The following RBFOX1 variants were observed in gnomAD, a reference collection of about 807,000 sequenced individuals.
RBFOX1 encodes RNA binding fox-1 homolog 1, also known as RNA binding protein fox-1 homolog 1.
RBFOX1 carries 8 observed loss-of-function variants against 57.7 expected under a neutral mutation model. The ratio of observed to expected loss-of-function variants is 0.14; its 90% CI spans 0.08 to 0.25. The LOEUF (loss-of-function observed/expected upper bound fraction) is 0.25. Among genes scored for constraint, RBFOX1 ranks in the 10% least tolerant of loss-of-function variants. The pLI, the probability that RBFOX1 is intolerant of heterozygous loss-of-function variation, is 1.00. For missense variants in RBFOX1, 611 were observed against 548.5 expected (o/e 1.11, Z -1.14); for synonymous variants, 326 against 222.4 (o/e 1.47, Z -4.15).
At chr16:5,727,435 C>T (rs952130058) in intron 3 of RBFOX1, among the ~76,000 whole-genome samples, 11 of 152,100 alleles carry the variant, frequency 7.2e-5, no homozygotes, top group East Asian at 1.9e-4. Context: ...TACTGTGAAA[C>T]GCTCACCACA....
rs34798258 is a variant in RBFOX1 at position 6,164,649 on chromosome 16, G to GTT, written c.-127+144665_-127+144666dup. ...ACCTGGTAAATTTTTGTTTTGTTTT[G>GTT]TTTTTTTTTAGTAGAAATGGAGTTT... On this transcript the variant is annotated intron_variant, in intron 1 of 15. Coordinates refer to ENST00000550418, the MANE Select transcript of RBFOX1 (RefSeq NM_018723.4). 7.3e-5 allele frequency among the ~76,000 whole-genome samples: 11 copies of GTT among 150,092 alleles called. No individual in the cohort carries two copies. In the South Asian group the frequency reaches 1.7e-3, roughly 23 times the overall value.
chr16:5,761,250 T>G (rs1427496353), intron 3 of RBFOX1, among the ~76,000 whole-genome samples: 1 of 151,908 alleles, frequency 6.6e-6, no homozygotes, highest in Non-Finnish European at 1.5e-5. Flanking sequence ...TTCTGAAGAG[T>G]AATATAGAAG....
intron 3 of RBFOX1, among the ~76,000 whole-genome samples, chr16:5,786,585 A>G (rs887640682): frequency 1.3e-5 from 2 of 151,814 alleles, no homozygotes; most frequent in African/African-American, 4.8e-5. Flanking sequence ...TGATCTCTTC[A>G]TTTTTCCAAG....
chr16:7,396,751 C>A (rs1023278418), intron 4 of RBFOX1, among the ~76,000 whole-genome samples: 1 of 152,096 alleles, frequency 6.6e-6, no homozygotes, highest in Non-Finnish European at 1.5e-5. Context: ...AACAGCCTTG[C>A]CAACACTATG....
intron 3 of RBFOX1, among the ~76,000 whole-genome samples, chr16:5,708,743 TG>T (rs2051344466): frequency 6.6e-6 from 1 of 152,206 alleles, no homozygotes; most frequent in South Asian, 2.1e-4. Context: ...AAATCCATCT[TG>T]GGGATATTCA....
At position 6,442,479 on chromosome 16, in the gene RBFOX1, C is replaced by T. The variant is rs985908769; in HGVS notation, c.-64+125422C>T. On this transcript the variant is annotated intron_variant, in intron 2 of 15. Coordinates refer to ENST00000550418, the MANE Select transcript of RBFOX1 (RefSeq NM_018723.4). ...GGCTGAGGCAGGAGAATCGCTTGAGCCTGGGAAGCGGAGGTTGCAGTGAGC... is the reference window on the plus strand; with the variant it reads ...GGCTGAGGCAGGAGAATCGCTTGAGTCTGGGAAGCGGAGGTTGCAGTGAGC... Among the ~76,000 whole-genome samples, 12 of 152,006 alleles carry T rather than the reference C, an allele frequency of 7.9e-5. No homozygotes were observed. In the South Asian group the frequency reaches 8.3e-4, roughly 11 times the overall value.
chr16:7,107,098 G>A lies in RBFOX1; in HGVS notation c.27+55000G>A, dbSNP rs149806193. 4.8e-4 allele frequency among the ~76,000 whole-genome samples: 73 copies of A among 152,150 alleles called. No individual in the cohort carries two copies. The East Asian group carries it at 0.013, about 28-fold the overall frequency. On this transcript the variant is annotated intron_variant, in intron 4 of 15. Transcript: ENST00000550418. ...AGGAACTGATATTTAAGCCTGTTTCGAAAGTTGGGAGGACCAACTATGCAA... is the reference window on the plus strand; with the variant it reads ...AGGAACTGATATTTAAGCCTGTTTCAAAAGTTGGGAGGACCAACTATGCAA...
At chr16:6,868,678 G>C (rs1207539708) in intron 3 of RBFOX1, among the ~76,000 whole-genome samples, 1 of 152,102 alleles carries the variant, frequency 6.6e-6, no homozygotes, top group African/African-American at 2.4e-5. Context: ...CACCATGTTG[G>C]CCAGGCTGGT....
chr16:6,348,183 G>A (rs1003322472), intron 2 of RBFOX1, among the ~76,000 whole-genome samples: 1 of 152,134 alleles, frequency 6.6e-6, no homozygotes, highest in Non-Finnish European at 1.5e-5. Context: ...ATAGGCTTGT[G>A]ATAAAATGTG....
At chr16:7,447,126 G>A (rs865878943) in intron 4 of RBFOX1, among the ~76,000 whole-genome samples, 5 of 151,936 alleles carry the variant, frequency 3.3e-5, no homozygotes, top group African/African-American at 7.2e-5. Flanking sequence ...GGTAGGTCTG[G>A]GTTTTATGAG....
chr16:5,641,456 GAAGCTGCTTAGGAT>G (rs763690210), intron 3 of RBFOX1, among the ~76,000 whole-genome samples: 1 of 152,234 alleles, frequency 6.6e-6, no homozygotes, highest in Non-Finnish European at 1.5e-5. Flanking sequence ...AGAGTGATGG[GAAGCTGCTTAGGAT>G]AAGGGTAAGT....
chr16:5,476,939 T>A (rs2069346122), intron 2 of RBFOX1, among the ~76,000 whole-genome samples: 1 of 152,236 alleles, frequency 6.6e-6, no homozygotes, highest in African/African-American at 2.4e-5. Flanking sequence ...TAGCACATAC[T>A]AAACTTTTTG....
chr16:6,838,665 T>G (rs1375654564), intron 3 of RBFOX1, among the ~76,000 whole-genome samples: 2 of 152,148 alleles, frequency 1.3e-5, no homozygotes, highest in Admixed American at 6.5e-5. Context: ...AATTCTTTAT[T>G]GGGCAAAGCC....
intron 1 of RBFOX1, among the ~76,000 whole-genome samples, chr16:5,379,358 C>A (rs990703224): frequency 2.0e-5 from 3 of 151,556 alleles, no homozygotes; most frequent in Non-Finnish European, 4.4e-5. Context: ...AACACACCCC[C>A]AGCCCAGGAA....
intron 5 of RBFOX1, among the ~76,000 whole-genome samples, chr16:7,561,741 G>T (rs968034998): frequency 6.6e-6 from 1 of 152,206 alleles, no homozygotes; most frequent in Non-Finnish European, 1.5e-5. Flanking sequence ...GGGATGTTCA[G>T]GGAGATCAGT....
At chr16:6,159,063 C>T (rs992926535) in intron 1 of RBFOX1, among the ~76,000 whole-genome samples, 1 of 152,022 alleles carries the variant, frequency 6.6e-6, no homozygotes, top group Non-Finnish European at 1.5e-5. Context: ...CCACCATGCC[C>T]AGCTAATTTT....
rs904628424 is a variant in RBFOX1 at position 5,306,055 on chromosome 16, A to G, written c.219+65950A>G. ...AAAATTAGACACATACACAAAAGCA[A>G]CTAGGCATGGTGGAGTGCACTGGGA... is the stretch of plus-strand genomic sequence containing the variant. On this transcript the variant is annotated intron_variant, in intron 1 of 2. Coordinates refer to the RBFOX1 transcript ENST00000585867. Among the ~76,000 whole-genome samples, 3 of 149,612 alleles carry G rather than the reference A, an allele frequency of 2.0e-5. No individual in the cohort carries two copies. The Admixed American group carries it at 2.0e-4, about 10-fold the overall frequency.
intron 2 of RBFOX1, among the ~76,000 whole-genome samples, chr16:6,518,719 GTCCATCCA>G (rs968309542): frequency 6.6e-6 from 1 of 151,776 alleles, no homozygotes; most frequent in African/African-American, 2.4e-5. Flanking sequence ...CCGTCCGTCC[GTCCATCCA>G]TCCATCCATC....
intron 3 of RBFOX1, among the ~76,000 whole-genome samples, chr16:5,789,220 T>C (rs1264768510): frequency 6.6e-6 from 1 of 152,154 alleles, no homozygotes; most frequent in Non-Finnish European, 1.5e-5. Context: ...CATCCTATAA[T>C]ACTTTATAAT....
Sources: gnomAD v4.1 joint callset for allele counts (sites outside exome capture counted in the v4.1 genomes callset) on GRCh38, gnomAD v4.1.1 for gene constraint, MANE v1.5 for transcripts, NCBI Gene and HGNC (gene_info 2026-07-23, HGNC 2026-07-21) for gene names.